Variants in COL11A1 observed in about 807,000 individuals in gnomAD.
The protein encoded by COL11A1 is collagen alpha-1(XI) chain.
In COL11A1, 74 loss-of-function variants were observed where a neutral mutation model predicts 265.2. The observed-to-expected ratio is 0.28, with a 90% CI of 0.23 to 0.34. The LOEUF (loss-of-function observed/expected upper bound fraction) is 0.34, where lower values mean the gene tolerates loss of function less well. COL11A1 is among the 10% of genes least tolerant of loss of function. The pLI, the probability that COL11A1 is intolerant of heterozygous loss-of-function variation, is 1.00. For synonymous variants in COL11A1, 816 were observed against 727.6 expected (o/e 1.12, Z -1.96); for missense variants, 2,165 against 2,263.6 (o/e 0.96, Z 0.88).
intron 54 of COL11A1, among the ~76,000 whole-genome samples, chr1:102,910,269 A>G (rs1291592631): frequency 1.3e-5 from 2 of 152,072 alleles, no homozygotes; most frequent in African/African-American, 4.8e-5. Flanking sequence ...GTGACCCACC[A>G]CTGAATGGCT....
intron 28 of COL11A1, among the ~76,000 whole-genome samples, chr1:102,995,204 G>T (rs1319784428): frequency 6.6e-6 from 1 of 151,908 alleles, no homozygotes. Context: ...AGGATTTGGG[G>T]CTTTGCAGGC....
intron 13 of COL11A1, among the ~76,000 whole-genome samples, chr1:103,014,040 T>C (rs551418815): frequency 2.0e-5 from 3 of 152,074 alleles, no homozygotes; most frequent in African/African-American, 4.8e-5. Context: ...TGAAGGTTTC[T>C]TTTTTATATA....
rs377320274 is a variant in COL11A1, at chr1:102,962,214, G to A, written c.3076C>T (p.Arg1026Cys). The A allele has an allele frequency of 2.1e-5, 34 of 1,613,472 alleles. No individual in the cohort carries two copies. Among genetic ancestry groups the A allele is most frequent in the South Asian group, 7.7e-5 (7 of 91,072 alleles). Residue 1026 changes from arginine (R) to cysteine (C), a missense_variant, in exon 40 of 67, where the codon CGT becomes TGT. Coordinates refer to ENST00000370096, the MANE Select transcript of COL11A1 (RefSeq NM_001854.4). ...AGACCTCTTTCCCCTGGGAAACCACGTAATCCTGCTGGTCCATCTTTCCCT... is the reference window on the plus strand; with the variant it reads ...AGACCTCTTTCCCCTGGGAAACCACATAATCCTGCTGGTCCATCTTTCCCT... Reference protein sequence around the residue: ...ISGKDGPAGLRGFPGERGLPG... With the variant: ...ISGKDGPAGLCGFPGERGLPG...
At position 103,074,711 on chromosome 1, in the gene COL11A1, G is replaced by A. The variant is rs541877075; in HGVS notation, c.558C>T (p.Thr186=). ...TCTCACTTCTATCAAGTGGTTTCGT[G>A]GTTTTCTTCTTACAATCAACAATCA... ...VTMIVDCKKK[T]TKPLDRSERA... is the part of the protein sequence containing the mutation. Residue 186 remains threonine (T), a synonymous_variant, in exon 4 of 67, where the codon ACC becomes ACT. Coordinates refer to ENST00000370096, the MANE Select transcript of COL11A1 (RefSeq NM_001854.4). 6.2e-7 allele frequency: 1 copy of A among 1,613,262 alleles called. No homozygotes were observed. The highest frequency in any genetic ancestry group is 2.2e-5 in the East Asian group (1 of 44,854).
chr1:103,080,659 G>C (rs1672336935), intron 2 of COL11A1, among the ~76,000 whole-genome samples: 1 of 151,762 alleles, frequency 6.6e-6, no homozygotes, highest in African/African-American at 2.4e-5. Context: ...CTATCAAAAA[G>C]TCAAAAGATA....
At chr1:103,038,541 TG>T (rs1196645511) in intron 4 of COL11A1, among the ~76,000 whole-genome samples, 8 of 152,120 alleles carry the variant, frequency 5.3e-5, no homozygotes, top group African/African-American at 1.7e-4. Flanking sequence ...AGGACTTACA[TG>T]GTGATGATAA....
intron 14 of COL11A1, among the ~76,000 whole-genome samples, chr1:103,011,575 C>T (rs1008509579): frequency 6.6e-6 from 1 of 151,850 alleles, no homozygotes; most frequent in African/African-American, 2.4e-5. Context: ...GTAAAACAGA[C>T]TAAATAATTA....
At chr1:103,100,444 T>C (rs1674160620) in intron 1 of COL11A1, 1 of 152,034 alleles carries the variant, frequency 6.6e-6, no homozygotes, top group South Asian at 2.1e-4. Context: ...AACTCCCCTT[T>C]CAATCCTCCA....
At chr1:103,042,399 GGTCA>G (rs948122935) in intron 4 of COL11A1, among the ~76,000 whole-genome samples, 1 of 152,028 alleles carries the variant, frequency 6.6e-6, no homozygotes, top group Non-Finnish European at 1.5e-5. Context: ...ATGTGAAAGT[GGTCA>G]GTTTTTCTTT....
Position 102,998,361 on chromosome 1 carries a change from T to G in COL11A1, c.2145A>C (p.Gly715=). The change falls in exon 25 of 67, where the codon GGA becomes GGC. Residue 715 remains glycine, a splice_region_variant and synonymous_variant. Transcript: ENST00000370096. ...QGPIGPPGEK[G]PQGKPGLAGL... ...CAGCAAGTCCTGGTTTTCCTTGTGG[T>G]CCCTTATAGAGAAAAAAAAAATATT... The G allele has an allele frequency of 1.3e-6, 2 of 1,592,074 alleles. No individual in the cohort carries two copies. Among genetic ancestry groups the G allele is most frequent in the Non-Finnish European group, 1.7e-6 (2 of 1,169,158 alleles).
At position 102,970,338 on chromosome 1, in the gene COL11A1, CAT is replaced by C. The variant is rs1661842021; in HGVS notation, c.2809-68_2809-67del. ...TAATTATTTTATAGTCTAAATGTGA[CAT>C]GTTAGAAAATTTTCTTTTCTTTTTA... is the stretch of plus-strand genomic sequence containing the variant. On this transcript the variant is annotated intron_variant, in intron 36 of 66. Coordinates refer to ENST00000370096, the MANE Select transcript of COL11A1 (RefSeq NM_001854.4). The C allele has an allele frequency of 2.6e-5, 34 of 1,292,652 alleles. 1 individual carries two copies. Among genetic ancestry groups the C allele is most frequent in the Middle Eastern group, 1.9e-4 (1 of 5,292 alleles). The allele number at this position is 1,292,652 out of a possible 1,614,324, so 80.1% of individuals were successfully genotyped here.
intron 46 of COL11A1, among the ~76,000 whole-genome samples, chr1:102,931,456 GAT>G (rs1171619323): frequency 6.6e-6 from 1 of 152,000 alleles, no homozygotes; most frequent in East Asian, 1.9e-4. Flanking sequence ...TGGTCTGAGA[GAT>G]AGTTTGTTAT....
intron 41 of COL11A1, among the ~76,000 whole-genome samples, chr1:102,960,485 TGTG>T (rs200021827): frequency 0.011 from 1,561 of 136,738 alleles, 16 homozygotes; most frequent in Non-Finnish European, 0.02. Flanking sequence ...TGGGTGTGTG[TGTG>T]GGGGGGGGAA....
At chr1:103,051,050 G>A (rs1195287081) in intron 4 of COL11A1, among the ~76,000 whole-genome samples, 1 of 152,196 alleles carries the variant, frequency 6.6e-6, no homozygotes, top group Non-Finnish European at 1.5e-5. Flanking sequence ...CGGGGGTCAG[G>A]GACCCACTTG....
At chr1:103,022,704 T>A (rs773629298) in intron 8 of COL11A1, 38 bp downstream of exon 8, 9 of 1,611,990 alleles carry the variant, frequency 5.6e-6, no homozygotes, top group Non-Finnish European at 7.6e-6. Flanking sequence ...ATCCCATAAA[T>A]AAGACATACA....
At position 102,890,499 on chromosome 1, in the gene COL11A1, AG is replaced by A. The variant is rs1265207741; in HGVS notation, c.4307del (p.Pro1436LeufsTer22). ...CACCTTTGAGACCAGGTAAGCCAGGAGGTCCCTAAATAATAACAAAAAAAAA... is the reference window on the plus strand; with the variant it reads ...CACCTTTGAGACCAGGTAAGCCAGGAGTCCCTAAATAATAACAAAAAAAAA... ...GQDGPPGPMG[P>X]PGLPGLKGDP... On this transcript the variant is annotated frameshift_variant, in exon 58 of 67. Transcript: ENST00000370096. LOFTEE classifies it high-confidence loss of function. 1 of 1,602,754 alleles carries A rather than the reference AG, an allele frequency of 6.2e-7. No homozygotes were observed. The highest frequency in any genetic ancestry group is 1.1e-5 in the South Asian group (1 of 89,124).
At chr1:102,920,234 G>T in intron 49 of COL11A1, 77 bp downstream of exon 49, 1 of 1,253,176 alleles carries the variant, frequency 8.0e-7, no homozygotes. Flanking sequence ...CATACTAGAA[G>T]CACTTAAACT....
At chr1:103,019,483 T>C (rs2101923521) in intron 9 of COL11A1, among the ~76,000 whole-genome samples, 1 of 152,296 alleles carries the variant, frequency 6.6e-6, no homozygotes, top group South Asian at 2.1e-4. Flanking sequence ...TAAGGACTGA[T>C]TCATTCTGAA....
At position 102,899,052 on chromosome 1, in the gene COL11A1, G is replaced by A; in HGVS notation, c.4087-58C>T. Reference sequence around the variant, plus strand: ...TCACATATAAAAGTAATGTTAATGAGCACTTGTTTACAAACACTAAACTTT... The same window carrying A: ...TCACATATAAAAGTAATGTTAATGAACACTTGTTTACAAACACTAAACTTT... On this transcript the variant is annotated intron_variant, in intron 54 of 66. Coordinates refer to ENST00000370096, the MANE Select transcript of COL11A1 (RefSeq NM_001854.4). 5 of 1,005,784 alleles carry A rather than the reference G, an allele frequency of 5.0e-6. No homozygotes were observed. In the South Asian group the frequency reaches 7.4e-5, roughly 15 times the overall value. 62.3% of individuals were successfully genotyped at this position (1,005,784 alleles called of 1,614,324 possible).
Sources: allele counts gnomAD v4.1 joint callset (sites outside exome capture counted in the v4.1 genomes callset), GRCh38; gene constraint gnomAD v4.1.1; transcripts MANE v1.5; gene names NCBI Gene and HGNC (gene_info 2026-07-23, HGNC 2026-07-21).